UBE2E2: variants seen among roughly 807,000 people sequenced by gnomAD.
UBE2E2 encodes the protein ubiquitin-conjugating enzyme E2 E2.
UBE2E2 carries 6 observed loss-of-function variants against 24.7 expected under a neutral mutation model. The observed-to-expected ratio is 0.24, with a 90% confidence interval of 0.13 to 0.48. The LOEUF (loss-of-function observed/expected upper bound fraction) is 0.48. Among genes scored for constraint, UBE2E2 ranks in the 20% least tolerant of loss-of-function variants. The pLI, the probability that UBE2E2 is intolerant of heterozygous loss-of-function variation, is 0.99. For missense variants in UBE2E2, 169 were observed against 245.0 expected, an observed-to-expected ratio of 0.69 and a Z score of 2.07; for synonymous variants, 104 against 83.6, an observed-to-expected ratio of 1.24 and a Z score of -1.33.
chr3:23,400,632 A>ATACT (rs66559946), intron 3 of UBE2E2, among the ~76,000 whole-genome samples: 2 of 151,588 alleles, frequency 1.3e-5, no homozygotes, highest in African/African-American at 4.9e-5. Context: ...ACACACACAC[A>ATACT]CACACACACA....
intron 3 of UBE2E2, among the ~76,000 whole-genome samples, chr3:23,403,789 C>T (rs935775383): frequency 2.1e-5 from 2 of 93,734 alleles, no homozygotes; most frequent in African/African-American, 4.3e-5. Context: ...GCCTGGGCGA[C>T]AAAGTGAGAT....
At chr3:23,566,467 A>C (rs138583439) in intron 5 of UBE2E2, among the ~76,000 whole-genome samples, 3 of 152,170 alleles carry the variant, frequency 2.0e-5, no homozygotes, top group Non-Finnish European at 4.4e-5. Context: ...GTCCATTTGC[A>C]TTGCTATAAA....
intron 3 of UBE2E2, among the ~76,000 whole-genome samples, chr3:23,466,115 T>C (rs1353204543): frequency 6.6e-6 from 1 of 152,210 alleles, no homozygotes; most frequent in Non-Finnish European, 1.5e-5. Context: ...ATATAAACAT[T>C]TTTAAAAATT....
At chr3:23,276,075 A>G (rs535692589) in intron 3 of UBE2E2, among the ~76,000 whole-genome samples, 16 of 152,196 alleles carry the variant, frequency 1.1e-4, no homozygotes, top group South Asian at 4.1e-4. Context: ...AAAAATTTCT[A>G]TGTCTTTTTA....
chr3:23,419,372 C>T (rs907935307), intron 3 of UBE2E2, among the ~76,000 whole-genome samples: 14 of 152,148 alleles, frequency 9.2e-5, no homozygotes, highest in African/African-American at 3.4e-4. Context: ...ACCCCCACAC[C>T]CTCAATGTGT....
chr3:23,344,917 AAG>A (rs967821990), intron 3 of UBE2E2, among the ~76,000 whole-genome samples: 5 of 151,730 alleles, frequency 3.3e-5, no homozygotes, highest in African/African-American at 7.3e-5. Flanking sequence ...TTTTTTGAAA[AAG>A]AAGTTTTATG....
intron 3 of UBE2E2, among the ~76,000 whole-genome samples, chr3:23,498,106 C>A (rs904520985): frequency 2.4e-4 from 37 of 151,792 alleles, no homozygotes; most frequent in Admixed American, 2.4e-3. Flanking sequence ...ATGTCTATGT[C>A]TTTTTTAATA....
At chr3:23,322,932 A>G (rs1694784477) in intron 3 of UBE2E2, among the ~76,000 whole-genome samples, 1 of 151,956 alleles carries the variant, frequency 6.6e-6, no homozygotes, top group Non-Finnish European at 1.5e-5. Flanking sequence ...TATTTTTTCT[A>G]TTAGACAGGC....
intron 3 of UBE2E2, among the ~76,000 whole-genome samples, chr3:23,400,418 C>T (rs1466267165): frequency 1.3e-5 from 2 of 152,124 alleles, no homozygotes; most frequent in Admixed American, 1.3e-4. Context: ...GATCCTCTTG[C>T]CTCAGCCTCC....
intron 3 of UBE2E2, among the ~76,000 whole-genome samples, chr3:23,271,407 A>G (rs1054290207): frequency 1.3e-5 from 2 of 152,240 alleles, no homozygotes; most frequent in Non-Finnish European, 2.9e-5. Context: ...AATGAGCAGC[A>G]GCAAGATTTA....
chr3:23,497,655 A>G (rs1464984328), intron 3 of UBE2E2, among the ~76,000 whole-genome samples: 2 of 152,182 alleles, frequency 1.3e-5, no homozygotes, highest in Non-Finnish European at 2.9e-5. Flanking sequence ...AGAAAAACTA[A>G]TATCTGTGTA....
rs148222827 is a variant in UBE2E2, at chr3:23,283,837, C to G, written c.227+66525C>G. 1.1e-4 allele frequency among the ~76,000 whole-genome samples: 15 copies of G among 138,934 alleles called. No homozygotes were observed. In the East Asian group the frequency reaches 2.6e-3, roughly 24 times the overall value. 91.1% of individuals were successfully genotyped at this position (138,934 alleles called of 152,430 possible). On this transcript the variant is annotated intron_variant, in intron 3 of 5. Transcript: ENST00000396703. ...TGTTACAAATGCAGATTACCAGGCTCCATTTCACACCCACTGACAAAGAAA... is the reference window on the plus strand; with the variant it reads ...TGTTACAAATGCAGATTACCAGGCTGCATTTCACACCCACTGACAAAGAAA...
intron 3 of UBE2E2, among the ~76,000 whole-genome samples, chr3:23,269,770 A>G (rs1218338525): frequency 6.6e-6 from 1 of 152,216 alleles, no homozygotes; most frequent in Non-Finnish European, 1.5e-5. Context: ...CAGGAAGGCC[A>G]TGACAATGGA....
intron 3 of UBE2E2, among the ~76,000 whole-genome samples, chr3:23,221,380 C>T (rs1342681912): frequency 6.6e-6 from 1 of 152,116 alleles, no homozygotes; most frequent in East Asian, 1.9e-4. Flanking sequence ...GTAATCATCA[C>T]AGTCTGTTTT....
At chr3:23,349,897 G>A (rs1226919073) in intron 3 of UBE2E2, among the ~76,000 whole-genome samples, 1 of 152,244 alleles carries the variant, frequency 6.6e-6, no homozygotes, top group African/African-American at 2.4e-5. Context: ...CTCCCAGCAG[G>A]CAGCTGGAGA....
intron 5 of UBE2E2, among the ~76,000 whole-genome samples, chr3:23,566,597 A>G (rs1037628823): frequency 1.3e-5 from 2 of 152,214 alleles, no homozygotes; most frequent in Non-Finnish European, 1.5e-5. Flanking sequence ...GAAGCTTCCA[A>G]TCAATGGTGG....
chr3:23,363,995 C>T (rs1325863912), intron 3 of UBE2E2, among the ~76,000 whole-genome samples: 1 of 150,638 alleles, frequency 6.6e-6, no homozygotes, highest in Non-Finnish European at 1.5e-5. Context: ...GAAAATTGCT[C>T]AAAAGCATAC....
chr3:23,298,225 G>A (rs575098134), intron 3 of UBE2E2, among the ~76,000 whole-genome samples: 2,390 of 151,962 alleles, frequency 0.016, 61 homozygotes, highest in African/African-American at 0.052. Context: ...CAATCATGTC[G>A]TCTGCAAACA....
At chr3:23,478,889 T>TAC (rs1340730169) in intron 3 of UBE2E2, among the ~76,000 whole-genome samples, 1 of 36,950 alleles carries the variant, frequency 2.7e-5, no homozygotes. Flanking sequence ...AATATATATA[T>TAC]ATATATATTT....
Sources: gnomAD v4.1 joint callset for allele counts (sites outside exome capture counted in the v4.1 genomes callset) on GRCh38, gnomAD v4.1.1 for gene constraint, MANE v1.5 for transcripts, NCBI Gene and HGNC (gene_info 2026-07-23, HGNC 2026-07-21) for gene names.